PPHLN1: variants seen among roughly 807,000 people sequenced by gnomAD.
PPHLN1 encodes the protein periphilin 1, also known as periphilin-1.
PPHLN1 carries 29 observed loss-of-function variants against 51.3 expected under a neutral mutation model. That is an observed-to-expected ratio of 0.57 (90% CI 0.42 to 0.77). PPHLN1 has a LOEUF of 0.77. PPHLN1 is among the 30% of genes least tolerant of loss of function. The pLI, the probability that PPHLN1 is intolerant of heterozygous loss-of-function variation, is 0.00. For synonymous variants in PPHLN1, 147 were observed against 147.8 expected (o/e 0.99, Z 0.04); for missense variants, 436 against 438.4 (o/e 0.99, Z 0.05).
chr12:42,435,005 T>TA (rs780771511), intron 9 of PPHLN1, among the ~76,000 whole-genome samples: 8 of 152,252 alleles, frequency 5.3e-5, no homozygotes, highest in African/African-American at 9.6e-5. Flanking sequence ...GTTTAGGTCT[T>TA]ACATTTAAAT....
intron 5 of PPHLN1, among the ~76,000 whole-genome samples, chr12:42,383,678 C>T (rs3911246): frequency 0.081 from 12,349 of 152,074 alleles, 548 homozygotes; most frequent in East Asian, 0.15. Context: ...TGAGCAATTG[C>T]TGTAGGTGAA....
In PPHLN1 at chr12:42,383,969, G is replaced by A. The variant is rs145512777; in HGVS notation, c.512-971G>A. Among the ~76,000 whole-genome samples, 453 of 113,528 alleles carry A rather than the reference G, an allele frequency of 4.0e-3. 2 individuals are homozygous for A. The highest frequency in any genetic ancestry group is 0.014 in the African/African-American group (440 of 31,970). 74.5% of individuals were successfully genotyped at this position (113,528 alleles called of 152,430 possible). ...ACTGCACTCCAGCCTGGGCAACAGA[G>A]TGAGACTGTGTCTCAAAAAAAAAAA... On this transcript the variant is annotated intron_variant, in intron 5 of 9. Transcript: ENST00000358314.
At chr12:42,368,924 C>G (rs959588732) in intron 4 of PPHLN1, among the ~76,000 whole-genome samples, 18 of 152,142 alleles carry the variant, frequency 1.2e-4, no homozygotes, top group African/African-American at 4.1e-4. Context: ...TAGGTAGCCT[C>G]TTTCTTCTTT....
chr12:42,429,680 A>G (rs980250431), intron 9 of PPHLN1, among the ~76,000 whole-genome samples: 2 of 152,202 alleles, frequency 1.3e-5, no homozygotes, highest in African/African-American at 2.4e-5. Flanking sequence ...ACTCTGACCA[A>G]TTCCAGTGCT....
At chr12:42,393,164 G>C (rs912619156) in intron 7 of PPHLN1, among the ~76,000 whole-genome samples, 1 of 152,060 alleles carries the variant, frequency 6.6e-6, no homozygotes, top group African/African-American at 2.4e-5. Context: ...ATATCTGTAC[G>C]TTTCTGTTGT....
intron 4 of PPHLN1, among the ~76,000 whole-genome samples, chr12:42,367,755 A>C (rs2075408943): frequency 2.0e-5 from 3 of 152,158 alleles, no homozygotes; most frequent in Admixed American, 1.3e-4. Flanking sequence ...AGTTTTTGAA[A>C]CAGAGTCTCG....
chr12:42,356,971 G>A (rs1362722199), intron 4 of PPHLN1, among the ~76,000 whole-genome samples: 1 of 152,110 alleles, frequency 6.6e-6, no homozygotes, highest in Non-Finnish European at 1.5e-5. Flanking sequence ...AATTAGCAAG[G>A]TCCAATGTAA....
chr12:42,397,182 G>A (rs1458055726), intron 8 of PPHLN1, among the ~76,000 whole-genome samples: 1 of 152,154 alleles, frequency 6.6e-6, no homozygotes, highest in Non-Finnish European at 1.5e-5. Context: ...AGTCTAGAAT[G>A]ACCATCTTCC....
chr12:42,406,245 G>A (rs1019575619), intron 9 of PPHLN1, among the ~76,000 whole-genome samples: 8 of 151,896 alleles, frequency 5.3e-5, no homozygotes, highest in Admixed American at 4.6e-4. Flanking sequence ...CACCATGCCC[G>A]GCTAATTTTT....
chr12:42,364,196 C>T (rs1008287195), intron 4 of PPHLN1, among the ~76,000 whole-genome samples: 4 of 152,138 alleles, frequency 2.6e-5, no homozygotes, highest in Admixed American at 6.5e-5. Flanking sequence ...TGTACTCCAG[C>T]TTGGGCAACA....
At chr12:42,380,090 A>T (rs2076630844) in intron 5 of PPHLN1, among the ~76,000 whole-genome samples, 1 of 152,024 alleles carries the variant, frequency 6.6e-6, no homozygotes, top group Admixed American at 6.5e-5. Flanking sequence ...TTCTTCTATC[A>T]AAACAGTGAC....
chr12:42,393,438 A>C, intron 7 of PPHLN1, 132 bp from the exon 8 acceptor site: 1 of 833,420 alleles, frequency 1.2e-6, no homozygotes, highest in Non-Finnish European at 1.8e-6. Context: ...AGGAGGAAAT[A>C]AAGAATGTAC....
intron 9 of PPHLN1, chr12:42,432,276 C>T (rs372664286): frequency 8.9e-5 from 68 of 763,020 alleles, no homozygotes; most frequent in East Asian, 8.5e-4. Flanking sequence ...CAACCTCTGC[C>T]TCTTCCACTA....
chr12:42,375,375 GA>G (rs1456739024), intron 5 of PPHLN1: 8 of 187,796 alleles, frequency 4.3e-5, no homozygotes, highest in Non-Finnish European at 8.4e-5. Flanking sequence ...GTAGTGGCAC[GA>G]TCTTGTTTCA....
intron 6 of PPHLN1, among the ~76,000 whole-genome samples, chr12:42,386,212 G>C (rs939099083): frequency 9.9e-5 from 15 of 152,200 alleles, no homozygotes; most frequent in Admixed American, 9.8e-4. Flanking sequence ...ACATTTGCCA[G>C]CATCCCTGTC....
intron 9 of PPHLN1, among the ~76,000 whole-genome samples, chr12:42,413,472 A>G (rs2080059436): frequency 6.6e-6 from 1 of 151,382 alleles, no homozygotes; most frequent in African/African-American, 2.4e-5. Context: ...CCATTGGTCT[A>G]TGTGCCTTAT....
chr12:42,417,711 GA>G (rs35667391), intron 9 of PPHLN1, among the ~76,000 whole-genome samples: 55,173 of 149,432 alleles, frequency 0.37, 10,378 homozygotes, highest in South Asian at 0.47. Context: ...TGATTTTATA[GA>G]AAAAAAAAAT....
At chr12:42,374,062 C>G (rs2076031751) in intron 4 of PPHLN1, among the ~76,000 whole-genome samples, 1 of 152,078 alleles carries the variant, frequency 6.6e-6, no homozygotes, top group South Asian at 2.1e-4. Context: ...TACCTCTAGA[C>G]AATGCCACAT....
At chr12:42,353,316 A>G (rs1274962359) in intron 3 of PPHLN1, among the ~76,000 whole-genome samples, 1 of 152,144 alleles carries the variant, frequency 6.6e-6, no homozygotes, top group Non-Finnish European at 1.5e-5. Context: ...TAATATGACA[A>G]TTAACAGTAC....
Sources: allele counts gnomAD v4.1 joint callset (sites outside exome capture counted in the v4.1 genomes callset), GRCh38; gene constraint gnomAD v4.1.1; transcripts MANE v1.5; gene names NCBI Gene and HGNC (gene_info 2026-07-23, HGNC 2026-07-21).